The following CSGALNACT1 variants were observed in gnomAD, a reference collection of about 807,000 sequenced individuals.
CSGALNACT1 encodes the protein chondroitin sulfate N-acetylgalactosaminyltransferase 1, also known as beta4GalNAcT-1.
In CSGALNACT1, 52 loss-of-function variants were observed where a neutral mutation model predicts 51.0. The ratio of observed to expected loss-of-function variants is 1.02; its 90% CI spans 0.82 to 1.29. The LOEUF (loss-of-function observed/expected upper bound fraction) is 1.29, where lower values mean the gene tolerates loss of function less well. Among genes scored for constraint, CSGALNACT1 ranks in the 50% most tolerant of loss-of-function variants. The pLI is 0.00. For missense variants in CSGALNACT1, 935 were observed against 679.2 expected (o/e 1.38, Z -4.19); for synonymous variants, 341 against 254.4 (o/e 1.34, Z -3.24).
intron 1 of CSGALNACT1, among the ~76,000 whole-genome samples, chr8:19,635,539 G>A (rs1307498241): frequency 1.3e-5 from 2 of 152,102 alleles, no homozygotes; most frequent in African/African-American, 2.4e-5. Context: ...CTTCCTTGTT[G>A]CCTCCCCCTT....
chr8:19,612,565 G>C (rs1465621903), intron 1 of CSGALNACT1, among the ~76,000 whole-genome samples: 4 of 151,936 alleles, frequency 2.6e-5, no homozygotes, highest in African/African-American at 7.3e-5. Context: ...TGTTCTGCTA[G>C]GCACTCTAAC....
intron 9 of CSGALNACT1, among the ~76,000 whole-genome samples, chr8:19,408,051 C>T (rs545248948): frequency 8.5e-5 from 13 of 152,136 alleles, no homozygotes; most frequent in African/African-American, 3.1e-4. Flanking sequence ...GTGCTTCCTC[C>T]CAGTTCCCCT....
At chr8:19,425,910 G>A (rs749294594) in intron 6 of CSGALNACT1, among the ~76,000 whole-genome samples, 1 of 152,084 alleles carries the variant, frequency 6.6e-6, no homozygotes, top group Non-Finnish European at 1.5e-5. Context: ...CGCCCCTCCT[G>A]TGCCTCGCCG....
At chr8:19,544,941 GAGA>G (rs1444205360) in intron 3 of CSGALNACT1, among the ~76,000 whole-genome samples, 1 of 151,916 alleles carries the variant, frequency 6.6e-6, no homozygotes, top group Non-Finnish European at 1.5e-5. Context: ...TTTCAAAAAG[GAGA>G]AGTTTTCAAA....
intron 6 of CSGALNACT1, among the ~76,000 whole-genome samples, chr8:19,435,304 C>A (rs531080048): frequency 3.3e-5 from 5 of 152,212 alleles, no homozygotes; most frequent in African/African-American, 9.6e-5. Flanking sequence ...ACCATCCTGG[C>A]CAACTTGGTG....
At chr8:19,444,300 G>A (rs908106723) in intron 5 of CSGALNACT1, among the ~76,000 whole-genome samples, 1 of 152,168 alleles carries the variant, frequency 6.6e-6, no homozygotes. Flanking sequence ...ATCATCTAGG[G>A]AATAATGACA....
chr8:19,482,453 C>G (rs2071674388), intron 4 of CSGALNACT1, among the ~76,000 whole-genome samples: 1 of 152,116 alleles, frequency 6.6e-6, no homozygotes, highest in Admixed American at 6.5e-5. Context: ...TCTCCCCAAT[C>G]CAGGCCAGCA....
intron 8 of CSGALNACT1, among the ~76,000 whole-genome samples, chr8:19,418,238 A>G (rs1355803700): frequency 2.0e-5 from 3 of 152,158 alleles, no homozygotes; most frequent in Non-Finnish European, 4.4e-5. Flanking sequence ...ATTTGCCTGC[A>G]AGGTCCAGGG....
chr8:19,475,436 T>A (rs758859504), intron 4 of CSGALNACT1, among the ~76,000 whole-genome samples: 23 of 152,180 alleles, frequency 1.5e-4, no homozygotes, highest in Non-Finnish European at 3.2e-4. Flanking sequence ...TGTAACAATC[T>A]GAATATTAAG....
chr8:19,443,362 T>G (rs2061625473), intron 5 of CSGALNACT1, among the ~76,000 whole-genome samples: 1 of 152,238 alleles, frequency 6.6e-6, no homozygotes, highest in Non-Finnish European at 1.5e-5. Flanking sequence ...GCATATATTA[T>G]GTACACATGT....
chr8:19,725,219 C>T (rs147074388), intron 1 of CSGALNACT1, among the ~76,000 whole-genome samples: 1 of 152,120 alleles, frequency 6.6e-6, no homozygotes, highest in Non-Finnish European at 1.5e-5. Context: ...CCTTGGCGAG[C>T]GCTTTGCTAG....
chr8:19,607,118 G>A (rs553595988), upstream of CSGALNACT1, among the ~76,000 whole-genome samples: 42 of 151,346 alleles, frequency 2.8e-4, no homozygotes, highest in Middle Eastern at 3.4e-3. Flanking sequence ...ACGCGCCACG[G>A]CACTCCAGCC....
intron 1 of CSGALNACT1, among the ~76,000 whole-genome samples, chr8:19,611,597 T>A (rs1226323822): frequency 6.6e-6 from 1 of 152,206 alleles, no homozygotes. Context: ...GTGGTGGAGC[T>A]GGGATACAAA....
chr8:19,698,876 C>A (rs2061715984), intron 1 of CSGALNACT1, among the ~76,000 whole-genome samples: 1 of 152,182 alleles, frequency 6.6e-6, no homozygotes. Context: ...CCCACAGATA[C>A]CAAAATCCTT....
chr8:19,715,070 CG>C, intron 1 of CSGALNACT1, among the ~76,000 whole-genome samples: 1 of 152,168 alleles, frequency 6.6e-6, no homozygotes, highest in South Asian at 2.1e-4. Context: ...TCCACATGGC[CG>C]GGGAAGCCTC....
chr8:19,742,109 A>G (rs2064353244), intron 1 of CSGALNACT1, among the ~76,000 whole-genome samples: 1 of 152,228 alleles, frequency 6.6e-6, no homozygotes, highest in Non-Finnish European at 1.5e-5. Context: ...TATAAATGTT[A>G]TAATGCCCAT....
intron 1 of CSGALNACT1, among the ~76,000 whole-genome samples, chr8:19,637,557 G>A (rs2056237224): frequency 6.6e-6 from 1 of 152,190 alleles, no homozygotes; most frequent in Non-Finnish European, 1.5e-5. Context: ...GAACAGTTAT[G>A]TGGTCACATG....
chr8:19,481,896 T>A (rs1322982541), intron 4 of CSGALNACT1, among the ~76,000 whole-genome samples: 1 of 152,244 alleles, frequency 6.6e-6, no homozygotes, highest in South Asian at 2.1e-4. Flanking sequence ...GAAGCAACTT[T>A]TGAATACTTA....
At chr8:19,587,436 G>T (rs55653931) in intron 3 of CSGALNACT1, among the ~76,000 whole-genome samples, 7,298 of 152,222 alleles carry the variant, frequency 0.048, 222 homozygotes, top group East Asian at 0.11. Flanking sequence ...AGGATGCTGT[G>T]TCCCACCCTC....
Sources: gnomAD v4.1 joint callset for allele counts (sites outside exome capture counted in the v4.1 genomes callset) on GRCh38, gnomAD v4.1.1 for gene constraint, MANE v1.5 for transcripts, NCBI Gene and HGNC (gene_info 2026-07-23, HGNC 2026-07-21) for gene names.